The following REV3L variants were observed in gnomAD, a reference collection of about 807,000 sequenced individuals.
REV3L encodes the protein DNA polymerase zeta catalytic subunit.
Under a neutral mutation model 299.4 loss-of-function variants are expected in REV3L, and 69 were observed. That is an observed-to-expected ratio of 0.23 (90% CI 0.19 to 0.28). The LOEUF is 0.28. Ranked by LOEUF, REV3L falls within the 10% of genes least tolerant of loss-of-function variation. The pLI is 1.00. For missense variants in REV3L, 3,128 were observed against 3,693.8 expected (o/e 0.85, Z 3.97); for synonymous variants, 1,238 against 1,271.4 (o/e 0.97, Z 0.56).
At chr6:111,324,922 C>CTG (rs1774588045) in intron 25 of REV3L, among the ~76,000 whole-genome samples, 1 of 151,024 alleles carries the variant, frequency 6.6e-6, no homozygotes, top group African/African-American at 2.4e-5. Context: ...AGTACAGTGG[C>CTG]GCAATCTCGG....
chr6:111,331,806 A>C (rs758280876), intron 23 of REV3L, 22 bp from the exon 24 acceptor site: 2 of 1,401,724 alleles, frequency 1.4e-6, no homozygotes, highest in South Asian at 1.2e-5. Context: ...GAGAACATTA[A>C]GCAAATACTT....
At chr6:111,334,303 A>G (rs950663054) in intron 22 of REV3L, among the ~76,000 whole-genome samples, 2 of 152,188 alleles carry the variant, frequency 1.3e-5, no homozygotes, top group African/African-American at 4.8e-5. Context: ...GTATAGTTTG[A>G]CAATTTCGTT....
chr6:111,384,820 T>C (rs767075009), intron 9 of REV3L, among the ~76,000 whole-genome samples: 4 of 152,176 alleles, frequency 2.6e-5, no homozygotes, highest in Non-Finnish European at 5.9e-5. Flanking sequence ...ACAGTCCTAT[T>C]CACAACAGCC....
At chr6:111,400,413 T>C (rs1025481494) in intron 4 of REV3L, among the ~76,000 whole-genome samples, 3 of 152,226 alleles carry the variant, frequency 2.0e-5, no homozygotes, top group Admixed American at 6.5e-5. Flanking sequence ...GTCTTGCGAA[T>C]TGTAGTCATT....
chr6:111,441,334 C>G (rs1365689125), intron 1 of REV3L, among the ~76,000 whole-genome samples: 1 of 152,188 alleles, frequency 6.6e-6, no homozygotes, highest in African/African-American at 2.4e-5. Context: ...CTCACTGCAG[C>G]CTTGACCTCA....
intron 2 of REV3L, among the ~76,000 whole-genome samples, chr6:111,412,776 A>AC (rs1784379724): frequency 1.3e-5 from 2 of 151,724 alleles, no homozygotes; most frequent in South Asian, 4.2e-4. Context: ...TAAAAAAAAA[A>AC]AAAAACAACT....
intron 1 of REV3L, chr6:111,431,276 A>C: frequency 7.0e-7 from 1 of 1,429,356 alleles, no homozygotes; most frequent in Non-Finnish European, 9.9e-7. Context: ...TCACTGCCTG[A>C]AGATGGAAGG....
intron 1 of REV3L, among the ~76,000 whole-genome samples, chr6:111,442,903 G>A (rs1788434276): frequency 6.6e-6 from 1 of 152,172 alleles, no homozygotes. Flanking sequence ...GTGTGTATGT[G>A]TGTGTGTGTG....
At chr6:111,405,259 T>A (rs1201974610) in intron 4 of REV3L, among the ~76,000 whole-genome samples, 2 of 152,284 alleles carry the variant, frequency 1.3e-5, no homozygotes, top group South Asian at 4.1e-4. Flanking sequence ...ATATAAATTA[T>A]AACTCAATAA....
intron 12 of REV3L, 82 bp from the exon 13 acceptor site, chr6:111,376,839 C>G (rs1780367483): frequency 1.8e-6 from 2 of 1,130,142 alleles, no homozygotes; most frequent in African/African-American, 1.6e-5. Flanking sequence ...GATATTAATG[C>G]TATCACTATG....
At chr6:111,450,502 A>AAAC (rs1562331021) in intron 1 of REV3L, among the ~76,000 whole-genome samples, 5 of 150,468 alleles carry the variant, frequency 3.3e-5, no homozygotes, top group South Asian at 2.1e-4. Context: ...AAAAAAAAAA[A>AAAC]AAAACCAAAA....
chr6:111,414,046 C>T (rs1784522124), intron 2 of REV3L, among the ~76,000 whole-genome samples: 1 of 151,990 alleles, frequency 6.6e-6, no homozygotes, highest in Non-Finnish European at 1.5e-5. Flanking sequence ...TCATCTCATA[C>T]ATGCTAGTGC....
At chr6:111,410,558 A>G (rs1340868179) in intron 3 of REV3L, among the ~76,000 whole-genome samples, 2 of 152,248 alleles carry the variant, frequency 1.3e-5, no homozygotes, top group Non-Finnish European at 2.9e-5. Context: ...ATGAGGAAGT[A>G]TGAGTAGAGG....
At chr6:111,409,688 T>C (rs1408086628) in intron 3 of REV3L, among the ~76,000 whole-genome samples, 3 of 152,074 alleles carry the variant, frequency 2.0e-5, no homozygotes, top group East Asian at 3.9e-4. Flanking sequence ...GACAATTAAC[T>C]AGAAAAAAGT....
At chr6:111,434,613 C>T (rs1286469988) in intron 1 of REV3L, among the ~76,000 whole-genome samples, 3 of 141,044 alleles carry the variant, frequency 2.1e-5, no homozygotes, top group Admixed American at 7.1e-5. Context: ...GGCGAGACTC[C>T]GTCTCAAAAA....
rs1445595819 is a variant in REV3L, at chr6:111,315,729, T to TGATCAGTGGCAGATCAGTCAGA, written c.8352-370_8352-349dup. On this transcript the variant is annotated intron_variant, in intron 26 of 31. Transcript: ENST00000368802. ...CTACAGACTGATACCAGTCAGTCTG[T>TGATCAGTGGCAGATCAGTCAGA]GATCAGTGGCAGATCAGTCAGATCA... 196 of 220,496 alleles carry TGATCAGTGGCAGATCAGTCAGA rather than the reference T, an allele frequency of 8.9e-4. 3 individuals are homozygous for TGATCAGTGGCAGATCAGTCAGA. In the East Asian group the frequency reaches 0.017, roughly 20 times the overall value. 13.7% of individuals were successfully genotyped at this position (220,496 alleles called of 1,614,324 possible).
chr6:111,456,702 C>A (rs932550921), intron 1 of REV3L, among the ~76,000 whole-genome samples: 12 of 152,264 alleles, frequency 7.9e-5, no homozygotes, highest in African/African-American at 2.9e-4. Flanking sequence ...TATTAAACTT[C>A]AGATTTCAAA....
chr6:111,422,631 CACATATATATATATATACAT>C (rs1785601316), intron 1 of REV3L, among the ~76,000 whole-genome samples: 8 of 12,750 alleles, frequency 6.3e-4, no homozygotes, highest in African/African-American at 1.1e-3. Flanking sequence ...TATATATATA[CACATATATATATATATACAT>C]ATATATATAT....
chr6:111,309,686 T>C, intron 30 of REV3L, 167 bp downstream of exon 30: 2 of 660,528 alleles, frequency 3.0e-6, no homozygotes. Context: ...GGACCCACCT[T>C]TCTCTACCCA....
Sources: allele counts gnomAD v4.1 joint callset (sites outside exome capture counted in the v4.1 genomes callset), GRCh38; gene constraint gnomAD v4.1.1; transcripts MANE v1.5; gene names NCBI Gene and HGNC (gene_info 2026-07-23, HGNC 2026-07-21).